CLVS1: variants seen among roughly 807,000 people sequenced by gnomAD.
The protein encoded by CLVS1 is clavesin 1.
CLVS1 carries 10 observed loss-of-function variants against 33.1 expected under a neutral mutation model. The ratio of observed to expected loss-of-function variants is 0.30; its 90% CI spans 0.19 to 0.51. The LOEUF is 0.51. Among genes scored for constraint, CLVS1 ranks in the 20% least tolerant of loss-of-function variants. CLVS1 has a pLI of 0.97. For missense variants in CLVS1, 343 were observed against 433.4 expected (o/e 0.79, Z 1.85); for synonymous variants, 163 against 166.1 (o/e 0.98, Z 0.14).
chr8:61,343,519 T>C (rs1398885911), intron 2 of CLVS1, among the ~76,000 whole-genome samples: 7 of 152,190 alleles, frequency 4.6e-5, no homozygotes, highest in Non-Finnish European at 1.0e-4. Context: ...CTAAAGACAA[T>C]GTACTTGTAC....
chr8:61,137,180 C>G (rs1361317262), intron 2 of CLVS1, among the ~76,000 whole-genome samples: 1 of 152,142 alleles, frequency 6.6e-6, no homozygotes, highest in Non-Finnish European at 1.5e-5. Flanking sequence ...CAGAAATCCA[C>G]CAGGACTCCC....
chr8:61,128,469 C>T (rs1047013609), intron 1 of CLVS1, among the ~76,000 whole-genome samples: 4 of 152,134 alleles, frequency 2.6e-5, no homozygotes, highest in Non-Finnish European at 5.9e-5. Flanking sequence ...CCTTTCTTTA[C>T]ATCTTTTTCT....
In CLVS1 at chr8:61,471,187, G is replaced by C. The variant is rs143485521; in HGVS notation, c.977+12645G>C. 5.9e-3 allele frequency among the ~76,000 whole-genome samples: 891 copies of C among 152,300 alleles called. 13 individuals are homozygous for C. Among genetic ancestry groups the C allele is most frequent in the African/African-American group, 0.02 (838 of 41,550 alleles). On this transcript the variant is annotated intron_variant, in intron 5 of 5. Coordinates refer to ENST00000325897, the MANE Select transcript of CLVS1 (RefSeq NM_173519.3). Reference sequence around the variant, plus strand: ...CTTGGGCAGGCCATGTAACCTTGCTGAGTCTCAGCTTCCTTGACTACAGAG... The same window carrying C: ...CTTGGGCAGGCCATGTAACCTTGCTCAGTCTCAGCTTCCTTGACTACAGAG...
intron 1 of CLVS1, among the ~76,000 whole-genome samples, chr8:61,078,781 A>C (rs1027099385): frequency 6.6e-6 from 1 of 152,188 alleles, no homozygotes; most frequent in Non-Finnish European, 1.5e-5. Context: ...TCCATGGCTA[A>C]TGATGTTTCC....
intron 3 of CLVS1, among the ~76,000 whole-genome samples, chr8:61,395,533 A>G (rs1814491451): frequency 6.6e-6 from 1 of 152,242 alleles, no homozygotes; most frequent in Non-Finnish European, 1.5e-5. Flanking sequence ...GAATCATTCT[A>G]TAATTTACAC....
intron 1 of CLVS1, among the ~76,000 whole-genome samples, chr8:61,296,917 A>G (rs1810234321): frequency 6.6e-6 from 1 of 152,162 alleles, no homozygotes; most frequent in African/African-American, 2.4e-5. Flanking sequence ...TGTTCTGGAT[A>G]AAGAGAGAGA....
At chr8:61,371,671 G>T (rs1813445311) in intron 2 of CLVS1, among the ~76,000 whole-genome samples, 1 of 152,082 alleles carries the variant, frequency 6.6e-6, no homozygotes, top group Admixed American at 6.6e-5. Context: ...AGCACAAATG[G>T]GCCATGTTTT....
intron 1 of CLVS1, among the ~76,000 whole-genome samples, chr8:61,112,999 C>T (rs73685726): frequency 0.02 from 3,038 of 152,292 alleles, 96 homozygotes; most frequent in African/African-American, 0.064. Context: ...CCAACTATCA[C>T]TTCTGCATTG....
upstream of CLVS1, among the ~76,000 whole-genome samples, chr8:61,053,714 G>C (rs543751982): frequency 2.0e-4 from 30 of 152,318 alleles, no homozygotes; most frequent in Admixed American, 1.9e-3. Context: ...CAGTGATATT[G>C]GTTTAGAGAT....
chr8:61,231,929 C>T (rs1808440418), intron 2 of CLVS1, among the ~76,000 whole-genome samples: 1 of 151,656 alleles, frequency 6.6e-6, no homozygotes, highest in Non-Finnish European at 1.5e-5. Flanking sequence ...GGGCACAGTG[C>T]CCTCTATGCA....
chr8:61,238,811 G>A (rs1221684133), intron 2 of CLVS1, among the ~76,000 whole-genome samples: 2 of 152,194 alleles, frequency 1.3e-5, no homozygotes, highest in East Asian at 1.9e-4. Flanking sequence ...GAGCTATTGA[G>A]GTAGTTTCTA....
chr8:61,080,320 T>C (rs181784199), intron 1 of CLVS1, among the ~76,000 whole-genome samples: 10 of 152,298 alleles, frequency 6.6e-5, no homozygotes, highest in African/African-American at 2.4e-4. Context: ...ATTCATGAGG[T>C]GATACAAACT....
intron 2 of CLVS1, among the ~76,000 whole-genome samples, chr8:61,230,422 A>G (rs960877646): frequency 6.6e-6 from 1 of 152,190 alleles, no homozygotes; most frequent in Non-Finnish European, 1.5e-5. Context: ...CTATAAAATG[A>G]TAATGATAAA....
At chr8:61,347,715 G>A (rs967637071) in intron 2 of CLVS1, among the ~76,000 whole-genome samples, 23 of 133,080 alleles carry the variant, frequency 1.7e-4, no homozygotes, top group Non-Finnish European at 2.8e-4. Flanking sequence ...TAGCCAAATT[G>A]AGCTAATTAA....
chr8:61,135,687 G>C (rs1806180161), intron 2 of CLVS1, among the ~76,000 whole-genome samples: 1 of 152,226 alleles, frequency 6.6e-6, no homozygotes, highest in Admixed American at 6.5e-5. Flanking sequence ...TCTGAAGTCA[G>C]TTGGAGCCTG....
chr8:61,499,364 G>GCGAA, intron 5 of CLVS1, 91 bp from the exon 6 acceptor site: 1 of 541,580 alleles, frequency 1.8e-6, no homozygotes, highest in Non-Finnish European at 3.2e-6. Flanking sequence ...CTATTAAAAA[G>GCGAA]AGAAATATAA....
chr8:61,381,178 TG>T (rs1430343033), intron 3 of CLVS1, among the ~76,000 whole-genome samples: 1 of 152,018 alleles, frequency 6.6e-6, no homozygotes, highest in Non-Finnish European at 1.5e-5. Flanking sequence ...CTGTTAAAGA[TG>T]TTTTTTATGA....
At chr8:61,433,553 T>G (rs1434867337) in intron 3 of CLVS1, among the ~76,000 whole-genome samples, 1 of 152,094 alleles carries the variant, frequency 6.6e-6, no homozygotes, top group African/African-American at 2.4e-5. Flanking sequence ...AAATAGATAA[T>G]TATAATTATC....
chr8:61,385,496 A>G (rs1814045948), intron 3 of CLVS1, among the ~76,000 whole-genome samples: 1 of 152,144 alleles, frequency 6.6e-6, no homozygotes, highest in Non-Finnish European at 1.5e-5. Flanking sequence ...CACAGCCCAC[A>G]CTCTCTGGTG....
Sources: allele counts gnomAD v4.1 joint callset (sites outside exome capture counted in the v4.1 genomes callset), GRCh38; gene constraint gnomAD v4.1.1; transcripts MANE v1.5; gene names NCBI Gene and HGNC (gene_info 2026-07-23, HGNC 2026-07-21).